The following NPM1 variants were observed in gnomAD, a reference collection of about 807,000 sequenced individuals.
NPM1 encodes the protein nucleophosmin 1.
Under a neutral mutation model 44.1 loss-of-function variants are expected in NPM1, and 1 was observed. That is an observed-to-expected ratio of 0.02 (90% CI 0.01 to 0.11). NPM1 has a LOEUF of 0.11. Among genes scored for constraint, NPM1 ranks in the 10% least tolerant of loss-of-function variants. NPM1 has a pLI of 1.00. For missense variants in NPM1, 197 were observed against 347.8 expected, an observed-to-expected ratio of 0.57 and a Z score of 3.45; for synonymous variants, 126 against 111.8, an observed-to-expected ratio of 1.13 and a Z score of -0.80.
chr5:171,396,020 G>A (rs1465713969), intron 6 of NPM1, among the ~76,000 whole-genome samples: 1 of 150,052 alleles, frequency 6.7e-6, no homozygotes, highest in Non-Finnish European at 1.5e-5. Context: ...TGCATTGTTG[G>A]CTAGGCTGGA....
intron 6 of NPM1, among the ~76,000 whole-genome samples, chr5:171,399,429 A>G (rs186039669): frequency 1.8e-4 from 27 of 152,212 alleles, no homozygotes; most frequent in Non-Finnish European, 3.1e-4. Context: ...TTTTTTTTGT[A>G]GAGAGGGTTC....
chr5:171,394,273 C>T (rs562387961), intron 6 of NPM1, among the ~76,000 whole-genome samples: 14 of 152,102 alleles, frequency 9.2e-5, no homozygotes, highest in African/African-American at 2.9e-4. Flanking sequence ...CTCCTAACCT[C>T]GTGATCTACC....
rs17856513 is a variant in NPM1, at chr5:171,400,161, A to G, written c.533A>G (p.Asp178Gly). 1 of 1,552,088 alleles carries G rather than the reference A, an allele frequency of 6.4e-7. No individual in the cohort carries two copies. Among genetic ancestry groups the G allele is most frequent in the Non-Finnish European group, 8.9e-7 (1 of 1,124,102 alleles). Reference protein sequence around the residue: ...DEEDDDEDDDDDDFDDEEAEE... With the variant: ...DEEDDDEDDDGDDFDDEEAEE... ...TGACATTTCATTTGTAGTGATGATG[A>G]TGATGATTTTGATGATGAGGAAGCT... is the stretch of plus-strand genomic sequence containing the variant. Residue 178 changes from aspartate to glycine, a missense_variant, in exon 7 of 11, where the codon GAT becomes GGT. Asp to Gly is a moderately conservative substitution (Grantham distance 94, BLOSUM62 -1). Coordinates refer to ENST00000296930, the MANE Select transcript of NPM1 (RefSeq NM_002520.7).
chr5:171,406,478 A>G, intron 9 of NPM1: 2 of 1,605,172 alleles, frequency 1.2e-6, no homozygotes, highest in Non-Finnish European at 1.7e-6. Context: ...AATATAGTCC[A>G]TACTGAGTGT....
At chr5:171,404,140 C>T (rs1423095005) in intron 8 of NPM1, among the ~76,000 whole-genome samples, 1 of 86,096 alleles carries the variant, frequency 1.2e-5, no homozygotes, top group African/African-American at 4.9e-5. Flanking sequence ...GGGGCTGACC[C>T]CCCCACCTCC....
In NPM1 at chr5:171,394,048, T is replaced by C. The variant is rs555523151; in HGVS notation, c.524+1070T>C. On this transcript the variant is annotated intron_variant, in intron 6 of 10. Coordinates refer to ENST00000296930, the MANE Select transcript of NPM1 (RefSeq NM_002520.7). ...TGTTGCTGTTTTTGTTTTCTTTTTT[T>C]TTTTTTTTTTTTTTGAGATGGAGTC... is the stretch of plus-strand genomic sequence containing the variant. Among the ~76,000 whole-genome samples, 21 of 146,408 alleles carry C rather than the reference T, an allele frequency of 1.4e-4. No homozygotes were observed. The East Asian group carries it at 3.9e-3, about 27-fold the overall frequency.
Position 171,392,899 on chromosome 5 carries a change from C to T in NPM1, c.460-15C>T, listed in dbSNP as rs770544413. ...ACAGCTCTTGTTCATGAGTACGTAT[C>T]TTTTCTTTTAAAAGAAAAAAGTAAA... is the stretch of plus-strand genomic sequence containing the variant. On this transcript the variant is annotated splice_polypyrimidine_tract_variant and intron_variant, in intron 5 of 10. Transcript: ENST00000296930. 1 of 1,611,940 alleles carries T rather than the reference C, an allele frequency of 6.2e-7. No individual in the cohort carries two copies. The highest frequency in any genetic ancestry group is 8.5e-7 in the Non-Finnish European group (1 of 1,178,226).
At chr5:171,405,435 T>C in intron 9 of NPM1, 32 bp downstream of exon 9, 1 of 984,086 alleles carries the variant, frequency 1.0e-6, no homozygotes, top group Non-Finnish European at 1.6e-6. Context: ...AAACTTTGTC[T>C]CCCCCCTCAA....
At chr5:171,405,830 T>C (rs1771534787) in intron 9 of NPM1, 3 of 192,196 alleles carry the variant, frequency 1.6e-5, no homozygotes, top group South Asian at 2.2e-4. Flanking sequence ...TGATTGACCC[T>C]AGTCAGAAGT....
upstream of NPM1, chr5:171,387,692 T>C (rs764820461): frequency 2.7e-5 from 12 of 452,662 alleles, no homozygotes; most frequent in Non-Finnish European, 4.2e-5. Flanking sequence ...TGGAAGGAGG[T>C]GGGGGCGAGG....
chr5:171,401,023 T>A, intron 8 of NPM1, 98 bp downstream of exon 8: 1 of 820,252 alleles, frequency 1.2e-6, no homozygotes, highest in Non-Finnish European at 2.1e-6. Context: ...GATAGGCCTT[T>A]ATAGAACCCC....
At chr5:171,401,102 C>G (rs1005083831) in intron 8 of NPM1, among the ~76,000 whole-genome samples, 177 bp downstream of exon 8, 2 of 151,982 alleles carry the variant, frequency 1.3e-5, no homozygotes, top group Non-Finnish European at 2.9e-5. Context: ...CCTGTAATCC[C>G]AGCACTTTGG....
intron 6 of NPM1, among the ~76,000 whole-genome samples, chr5:171,399,733 A>G (rs1771094727): frequency 1.3e-5 from 2 of 152,126 alleles, no homozygotes; most frequent in East Asian, 1.9e-4. Context: ...TAATAGAACT[A>G]TACATTACTT....
Position 171,410,841 on chromosome 5 carries a change from CA to C in NPM1, c.*281del, listed in dbSNP as rs1289820304. On this transcript the variant is annotated 3_prime_UTR_variant, in exon 11 of 11. Transcript: ENST00000296930. Reference sequence around the variant, plus strand: ...GTCAGACATGGAAATGGTGGGGAGACAAAAATATACATGTGAAATAAAACTC... The same window carrying C: ...GTCAGACATGGAAATGGTGGGGAGACAAAATATACATGTGAAATAAAACTC... The C allele has an allele frequency of 1.6e-5, 5 of 318,382 alleles. No individual in the cohort carries two copies. In the South Asian group the frequency reaches 6.1e-4, roughly 39 times the overall value. The allele number at this position is 318,382 out of a possible 1,614,324, so 19.7% of individuals were successfully genotyped here.
chr5:171,392,895 G>T lies in NPM1; in HGVS notation c.460-19G>T, dbSNP rs145298666. On this transcript the variant is annotated intron_variant, in intron 5 of 10. Coordinates refer to ENST00000296930, the MANE Select transcript of NPM1 (RefSeq NM_002520.7). ...TAGAACAGCTCTTGTTCATGAGTAC[G>T]TATCTTTTCTTTTAAAAGAAAAAAG... The T allele has an allele frequency of 1.2e-6, 2 of 1,611,858 alleles. No individual in the cohort carries two copies. Among genetic ancestry groups the T allele is most frequent in the Non-Finnish European group, 1.7e-6 (2 of 1,178,144 alleles).
intron 6 of NPM1, 120 bp from the exon 7 acceptor site, chr5:171,400,033 T>C: frequency 1.5e-6 from 1 of 673,116 alleles, no homozygotes; most frequent in South Asian, 1.7e-5. Context: ...CTCTTGGCTG[T>C]TGTGAACAAT....
intron 8 of NPM1, among the ~76,000 whole-genome samples, chr5:171,401,448 T>C (rs1771195663): frequency 6.6e-6 from 1 of 151,928 alleles, no homozygotes; most frequent in Non-Finnish European, 1.5e-5. Context: ...AATAGACTTT[T>C]TTGAAAGAGA....
rs1293414114 is a variant in NPM1 at position 171,403,396 on chromosome 5, A to G, written c.670-1906A>G. Among the ~76,000 whole-genome samples the G allele has an allele frequency of 3.7e-5, 4 of 107,434 alleles. No individual in the cohort carries two copies. The East Asian group carries it at 8.4e-4, about 23-fold the overall frequency. The allele number at this position is 107,434 out of a possible 152,430, so 70.5% of individuals were successfully genotyped here. A position where few individuals can be genotyped will look rare whatever the true frequency, so the allele number is the denominator to read the frequency against. On this transcript the variant is annotated intron_variant, in intron 8 of 10. Transcript: ENST00000296930. ...TGCAGAACAAAATGAAAAGTCTCCCATGTCTACTTCTTTCTACACAGACAC... is the reference window on the plus strand; with the variant it reads ...TGCAGAACAAAATGAAAAGTCTCCCGTGTCTACTTCTTTCTACACAGACAC...
At position 171,401,219 on chromosome 5, in the gene NPM1, A is replaced by G. The variant is rs143860603; in HGVS notation, c.669+294A>G. Among the ~76,000 whole-genome samples the G allele has an allele frequency of 8.9e-3, 1,359 of 152,098 alleles. 11 individuals are homozygous for G. The highest frequency in any genetic ancestry group is 0.012 in the Non-Finnish European group (793 of 67,974). On this transcript the variant is annotated intron_variant, in intron 8 of 10. Coordinates refer to ENST00000296930, the MANE Select transcript of NPM1 (RefSeq NM_002520.7). ...CTAAAAACACAAAAATTAGCCAGGCATGGTGGTATGTGCCTGTAATTCCAC... is the reference window on the plus strand; with the variant it reads ...CTAAAAACACAAAAATTAGCCAGGCGTGGTGGTATGTGCCTGTAATTCCAC...
Sources: gnomAD v4.1 joint callset for allele counts (sites outside exome capture counted in the v4.1 genomes callset) on GRCh38, gnomAD v4.1.1 for gene constraint, MANE v1.5 for transcripts, NCBI Gene and HGNC (gene_info 2026-07-23, HGNC 2026-07-21) for gene names.